DOK6: variants seen among roughly 807,000 people sequenced by gnomAD.
The protein encoded by DOK6 is docking protein 6.
In DOK6, 22 loss-of-function variants were observed where a neutral mutation model predicts 44.0. That is an observed-to-expected ratio of 0.50 (90% confidence interval 0.36 to 0.71). DOK6 has a LOEUF of 0.71. Among genes scored for constraint, DOK6 ranks in the 30% least tolerant of loss-of-function variants. DOK6 has a pLI of 0.00. For synonymous variants in DOK6, 166 were observed against 145.5 expected (o/e 1.14, Z -1.01); for missense variants, 340 against 416.4 (o/e 0.82, Z 1.60).
chr18:69,504,582 T>C (rs1405541173), intron 1 of DOK6, among the ~76,000 whole-genome samples: 4 of 152,160 alleles, frequency 2.6e-5, no homozygotes, highest in Non-Finnish European at 5.9e-5. Context: ...GGAAAAAGTA[T>C]ATGATGAGCA....
chr18:69,730,017 A>G (rs1978350693), intron 5 of DOK6, among the ~76,000 whole-genome samples: 1 of 152,240 alleles, frequency 6.6e-6, no homozygotes, highest in African/African-American at 2.4e-5. Context: ...TAGAGAAAGG[A>G]TAAATCAATA....
intron 3 of DOK6, among the ~76,000 whole-genome samples, chr18:69,668,466 G>T (rs868045250): frequency 2.0e-5 from 3 of 151,816 alleles, no homozygotes; most frequent in Admixed American, 6.6e-5. Context: ...ATGAATTTTT[G>T]ATTCAAGTTT....
At chr18:69,543,695 G>C (rs73452084) in intron 1 of DOK6, among the ~76,000 whole-genome samples, 7,060 of 151,244 alleles carry the variant, frequency 0.047, 569 homozygotes, top group African/African-American at 0.16. Flanking sequence ...TTGTATCTCC[G>C]TTACTACCTT....
intron 2 of DOK6, among the ~76,000 whole-genome samples, chr18:69,591,242 T>G (rs575534428): frequency 6.6e-6 from 1 of 152,230 alleles, no homozygotes; most frequent in Non-Finnish European, 1.5e-5. Flanking sequence ...CTTGACAAAA[T>G]AAATAGAACT....
In DOK6 at chr18:69,720,720, A is replaced by AAAT. The variant is rs142367601; in HGVS notation, c.600-18243_600-18241dup. Among the ~76,000 whole-genome samples, 732 of 152,254 alleles carry AAAT rather than the reference A, an allele frequency of 4.8e-3. 4 individuals carry two copies. Among genetic ancestry groups the AAAT allele is most frequent in the African/African-American group, 0.016 (672 of 41,530 alleles). On this transcript the variant is annotated intron_variant, in intron 5 of 7. Coordinates refer to ENST00000382713, the MANE Select transcript of DOK6 (RefSeq NM_152721.6). ...GTGATTGTATAATTTTGTCCCCTTA[A>AAAT]AATACTTATTTCTTTTAGTAAGTCA...
intron 5 of DOK6, among the ~76,000 whole-genome samples, chr18:69,708,171 T>C (rs1467423048): frequency 6.6e-6 from 1 of 152,220 alleles, no homozygotes; most frequent in East Asian, 1.9e-4. Flanking sequence ...TTTTTTAATG[T>C]AGCAAGTAAA....
chr18:69,471,728 T>C (rs1276199178), intron 1 of DOK6: 1 of 152,136 alleles, frequency 6.6e-6, no homozygotes, highest in Non-Finnish European at 1.5e-5. Flanking sequence ...TCAATAAATA[T>C]CGAATGAGCG....
At position 69,669,948 on chromosome 18, in the gene DOK6, A is replaced by C. The variant is rs923333879; in HGVS notation, c.290-7786A>C. ...TTTGTTTTGGTGTTTTATTACTGACATAACAAATTGCCACACACAGTAGCA... is the reference window on the plus strand; with the variant it reads ...TTTGTTTTGGTGTTTTATTACTGACCTAACAAATTGCCACACACAGTAGCA... On this transcript the variant is annotated intron_variant, in intron 3 of 7. Coordinates refer to ENST00000382713, the MANE Select transcript of DOK6 (RefSeq NM_152721.6). 2.0e-4 allele frequency among the ~76,000 whole-genome samples: 31 copies of C among 152,218 alleles called. 1 individual carries two copies. Among genetic ancestry groups the C allele is most frequent in the Non-Finnish European group, 4.0e-4 (27 of 68,038 alleles).
chr18:69,506,914 C>T (rs998343739), intron 1 of DOK6, among the ~76,000 whole-genome samples: 4 of 151,938 alleles, frequency 2.6e-5, no homozygotes, highest in Non-Finnish European at 5.9e-5. Context: ...TACACACACA[C>T]ACATATGTAT....
intron 7 of DOK6, among the ~76,000 whole-genome samples, chr18:69,834,764 C>T (rs1044910986): frequency 6.6e-6 from 1 of 152,208 alleles, no homozygotes; most frequent in Non-Finnish European, 1.5e-5. Flanking sequence ...CTGGTTTTCA[C>T]ATTTACTTAA....
intron 3 of DOK6, among the ~76,000 whole-genome samples, chr18:69,656,450 A>G (rs926375078): frequency 6.6e-6 from 1 of 152,180 alleles, no homozygotes; most frequent in Non-Finnish European, 1.5e-5. Context: ...TGTGTGACAA[A>G]GAGTAAATTA....
At chr18:69,613,401 T>C (rs1384613441) in intron 3 of DOK6, among the ~76,000 whole-genome samples, 2 of 152,180 alleles carry the variant, frequency 1.3e-5, no homozygotes, top group African/African-American at 4.8e-5. Context: ...TTACTGAGTA[T>C]GTCCCAGTCT....
intron 1 of DOK6, among the ~76,000 whole-genome samples, chr18:69,472,119 C>T (rs1047727328): frequency 6.6e-6 from 1 of 152,260 alleles, no homozygotes; most frequent in African/African-American, 2.4e-5. Flanking sequence ...TATGAGAAAA[C>T]TGAGACATAA....
rs957211827 is a variant in DOK6 at position 69,842,924 on chromosome 18, A to G, written c.*1541A>G. On this transcript the variant is annotated 3_prime_UTR_variant, in exon 8 of 8. Transcript: ENST00000382713. ...TTTTTTCTTAATAGGAAAATTTTTT[A>G]AACTATCCAAATTAGTCTGTTGAAA... is the stretch of plus-strand genomic sequence containing the variant. 1 of 152,126 alleles carries G rather than the reference A, an allele frequency of 6.6e-6. No homozygotes were observed. The highest frequency in any genetic ancestry group is 2.4e-5 in the African/African-American group (1 of 41,424). 9.4% of individuals were successfully genotyped at this position (152,126 alleles called of 1,614,324 possible). A position where few individuals can be genotyped will look rare whatever the true frequency, so the allele number is the denominator to read the frequency against.
At chr18:69,643,680 T>C (rs1214856361) in intron 3 of DOK6, 7 of 152,220 alleles carry the variant, frequency 4.6e-5, no homozygotes, top group Admixed American at 4.6e-4. Context: ...TGGGGCCATT[T>C]GGGAGCCTTT....
chr18:69,445,211 G>A (rs1305289283), intron 1 of DOK6, among the ~76,000 whole-genome samples: 1 of 152,050 alleles, frequency 6.6e-6, no homozygotes, highest in African/African-American at 2.4e-5. Context: ...TAGTTTAATA[G>A]ATTTGTGTGT....
intron 1 of DOK6, among the ~76,000 whole-genome samples, chr18:69,534,564 G>A (rs1324894296): frequency 6.6e-6 from 1 of 151,390 alleles, no homozygotes; most frequent in Non-Finnish European, 1.5e-5. Flanking sequence ...TGTATGGTGT[G>A]AGTTTGGAGT....
chr18:69,813,818 A>AT (rs1438762078), intron 7 of DOK6, among the ~76,000 whole-genome samples: 4 of 152,142 alleles, frequency 2.6e-5, no homozygotes, highest in Non-Finnish European at 5.9e-5. Flanking sequence ...CAATCCTAGC[A>AT]AAGGCATTAG....
intron 1 of DOK6, among the ~76,000 whole-genome samples, chr18:69,505,724 C>G (rs1021350278): frequency 3.3e-5 from 5 of 151,816 alleles, no homozygotes; most frequent in Admixed American, 1.3e-4. Flanking sequence ...TCTTGAACTC[C>G]TGACCTCAGG....
Sources: allele counts gnomAD v4.1 joint callset (sites outside exome capture counted in the v4.1 genomes callset), GRCh38; gene constraint gnomAD v4.1.1; transcripts MANE v1.5; gene names NCBI Gene and HGNC (gene_info 2026-07-23, HGNC 2026-07-21).